Variants in SHISA9 observed in about 807,000 individuals in gnomAD.
SHISA9 encodes the protein shisa family member 9.
Under a neutral mutation model 38.0 loss-of-function variants are expected in SHISA9, and 13 were observed. That is an observed-to-expected ratio of 0.34 (90% confidence interval 0.22 to 0.54). The LOEUF is 0.54. SHISA9 is among the 20% of genes least tolerant of loss of function. The pLI, the probability that SHISA9 is intolerant of heterozygous loss-of-function variation, is 0.91. For missense variants in SHISA9, 538 were observed against 575.8 expected (o/e 0.93, Z 0.67); for synonymous variants, 275 against 242.0 (o/e 1.14, Z -1.27).
At chr16:13,384,173 T>C in the SHISA9 span, among the ~76,000 whole-genome samples, 4 of 152,174 alleles carry the variant, frequency 2.6e-5, no homozygotes, top group South Asian at 8.3e-4. Flanking sequence ...TCTCTGTTCA[T>C]AGGCAAATAA....
At chr16:13,474,289 A>G in the SHISA9 span, 1 of 152,214 alleles carries the variant, frequency 6.6e-6, no homozygotes, top group South Asian at 2.1e-4. Context: ...GACCTCCCCG[A>G]TCTCAACACC....
intron 2 of SHISA9, among the ~76,000 whole-genome samples, chr16:13,101,074 T>C (rs1296684250): frequency 6.6e-6 from 1 of 152,164 alleles, no homozygotes. Flanking sequence ...TTATTTCTCT[T>C]AGTATCACGC....
At chr16:13,194,488 A>G (rs911695682) in intron 2 of SHISA9, among the ~76,000 whole-genome samples, 11 of 152,212 alleles carry the variant, frequency 7.2e-5, no homozygotes, top group South Asian at 4.1e-4. Flanking sequence ...GGAGTTGATA[A>G]TAGTATCTCA....
chr16:12,914,285 C>G (rs540618934), intron 1 of SHISA9, among the ~76,000 whole-genome samples: 3 of 152,042 alleles, frequency 2.0e-5, no homozygotes, highest in African/African-American at 7.2e-5. Context: ...ACCTCGTGAT[C>G]TGCCCACCTC....
At chr16:13,530,735 C>G in the SHISA9 span, among the ~76,000 whole-genome samples, 1 of 152,234 alleles carries the variant, frequency 6.6e-6, no homozygotes, top group Non-Finnish European at 1.5e-5. Context: ...TTCCTTCAGG[C>G]AGCACCATTC....
chr16:13,551,454 T>TTACACATTACAC, the SHISA9 span, among the ~76,000 whole-genome samples: 1 of 152,176 alleles, frequency 6.6e-6, no homozygotes, highest in Non-Finnish European at 1.5e-5. Flanking sequence ...CACATACATA[T>TTACACATTACAC]ATCTTACATG....
At chr16:13,438,837 C>T in the SHISA9 span, among the ~76,000 whole-genome samples, 5 of 152,158 alleles carry the variant, frequency 3.3e-5, no homozygotes, top group Non-Finnish European at 5.9e-5. Context: ...GACTAAACGG[C>T]AACTTAATTA....
the SHISA9 span, among the ~76,000 whole-genome samples, chr16:13,257,995 G>C: frequency 6.6e-6 from 1 of 152,190 alleles, no homozygotes. Context: ...TGGATGGATA[G>C]TTTAGCAAGT....
At chr16:12,969,018 G>A (rs1042762810) in intron 2 of SHISA9, among the ~76,000 whole-genome samples, 7 of 152,058 alleles carry the variant, frequency 4.6e-5, no homozygotes, top group East Asian at 1.9e-4. Context: ...TTAGCTGAAC[G>A]TGGTGGTGCG....
the SHISA9 span, among the ~76,000 whole-genome samples, chr16:13,434,567 G>A: frequency 4.0e-5 from 6 of 151,860 alleles, no homozygotes; most frequent in African/African-American, 9.7e-5. Flanking sequence ...ACAGGCGCCC[G>A]CCACCAAGCC....
intron 2 of SHISA9, among the ~76,000 whole-genome samples, chr16:12,967,012 G>T (rs1400076935): frequency 6.6e-6 from 1 of 152,176 alleles, no homozygotes; most frequent in South Asian, 2.1e-4. Flanking sequence ...ACATGGTCCT[G>T]TTCTAGAACT....
At chr16:12,997,464 T>C (rs2072471869) in intron 2 of SHISA9, among the ~76,000 whole-genome samples, 1 of 149,958 alleles carries the variant, frequency 6.7e-6, no homozygotes, top group Non-Finnish European at 1.5e-5. Context: ...TGGAGTGCAA[T>C]GGTGCGATCT....
At position 13,236,146 on chromosome 16, in the gene SHISA9, A is replaced by G. The variant is rs962542358; in HGVS notation, c.*737A>G. Reference sequence around the variant, plus strand: ...TGATGGGAAGGAAAAAACAAAAAACAAAAAACATTTTAGAGAACTCCCATA... The same window carrying G: ...TGATGGGAAGGAAAAAACAAAAAACGAAAAACATTTTAGAGAACTCCCATA... On this transcript the variant is annotated 3_prime_UTR_variant, in exon 5 of 5. Transcript: ENST00000558583. 6.6e-6 allele frequency: 1 copy of G among 152,234 alleles called. No homozygotes were observed. Among genetic ancestry groups the G allele is most frequent in the African/African-American group, 2.4e-5 (1 of 41,446 alleles). 9.4% of individuals were successfully genotyped at this position (152,234 alleles called of 1,614,324 possible). A position where few individuals can be genotyped will look rare whatever the true frequency, so the allele number is the denominator to read the frequency against.
chr16:13,132,246 A>G (rs916688055), intron 2 of SHISA9, among the ~76,000 whole-genome samples: 8 of 152,178 alleles, frequency 5.3e-5, no homozygotes, highest in Non-Finnish European at 1.0e-4. Flanking sequence ...GAATGGGGAT[A>G]GTAATAGTAT....
chr16:13,209,049 A>T (rs904984003), intron 3 of SHISA9, among the ~76,000 whole-genome samples: 10 of 152,196 alleles, frequency 6.6e-5, no homozygotes, highest in Admixed American at 4.6e-4. Context: ...AAATTATTTA[A>T]CTTCCTCAGG....
chr16:13,114,704 A>G (rs1220228755), intron 2 of SHISA9, among the ~76,000 whole-genome samples: 1 of 151,124 alleles, frequency 6.6e-6, no homozygotes, highest in Non-Finnish European at 1.5e-5. Context: ...AATGAATTTT[A>G]TGTGTTTTTT....
intron 2 of SHISA9, among the ~76,000 whole-genome samples, chr16:13,102,499 G>A (rs1284955262): frequency 6.6e-6 from 1 of 152,190 alleles, no homozygotes; most frequent in Non-Finnish European, 1.5e-5. Flanking sequence ...GGAACACTGA[G>A]AGGCAAGGGA....
chr16:13,050,231 A>G (rs546494407), intron 2 of SHISA9, among the ~76,000 whole-genome samples: 2 of 152,350 alleles, frequency 1.3e-5, no homozygotes, highest in East Asian at 3.9e-4. Flanking sequence ...GTAGAACAGA[A>G]TATTATTAAT....
chr16:13,490,081 C>G, the SHISA9 span, among the ~76,000 whole-genome samples: 4 of 152,030 alleles, frequency 2.6e-5, no homozygotes, highest in South Asian at 2.1e-4. Flanking sequence ...AGTAGACATA[C>G]AAGATAGTAA....
Sources: gnomAD v4.1 joint callset for allele counts (sites outside exome capture counted in the v4.1 genomes callset) on GRCh38, gnomAD v4.1.1 for gene constraint, MANE v1.5 for transcripts, NCBI Gene and HGNC (gene_info 2026-07-23, HGNC 2026-07-21) for gene names.